The following DIS3L2 variants were observed in gnomAD, a reference collection of about 807,000 sequenced individuals.
DIS3L2 encodes DIS3-like exonuclease 2.
A neutral mutation model predicts 97.5 loss-of-function variants in DIS3L2; 34 were observed. The observed-to-expected ratio is 0.35, with a 90% confidence interval of 0.27 to 0.46. DIS3L2 has a LOEUF of 0.46. DIS3L2 is among the 20% of genes least tolerant of loss of function. The pLI, the probability that DIS3L2 is intolerant of heterozygous loss-of-function variation, is 1.00. For synonymous variants in DIS3L2, 435 were observed against 445.2 expected (o/e 0.98, Z 0.29); for missense variants, 1,038 against 1,146.0 (o/e 0.91, Z 1.36).
rs538800684 is a variant in DIS3L2 at position 232,155,528 on chromosome 2, C to T, written c.951-7931C>T. Among the ~76,000 whole-genome samples the T allele has an allele frequency of 5.3e-5, 8 of 152,250 alleles. No homozygotes were observed. In the South Asian group the frequency reaches 1.2e-3, roughly 24 times the overall value. ...CCAGTAACTCCACTAGAATATATTT[C>T]ATTGGTGATTTTCTGTAATTTTCTT... is the stretch of plus-strand genomic sequence containing the variant. On this transcript the variant is annotated intron_variant, in intron 8 of 20. Transcript: ENST00000325385.
intron 1 of DIS3L2, among the ~76,000 whole-genome samples, chr2:231,986,305 A>T (rs1440784265): frequency 6.6e-6 from 1 of 152,184 alleles, no homozygotes; most frequent in Non-Finnish European, 1.5e-5. Context: ...TCATATATGC[A>T]TATAAACTAT....
intron 6 of DIS3L2, among the ~76,000 whole-genome samples, chr2:232,093,883 T>C (rs981825433): frequency 2.0e-5 from 3 of 152,178 alleles, no homozygotes; most frequent in Admixed American, 6.5e-5. Flanking sequence ...ACCTTTATTA[T>C]TTCTTCTACT....
intron 8 of DIS3L2, among the ~76,000 whole-genome samples, chr2:232,147,066 C>A (rs1184027101): frequency 6.6e-6 from 1 of 152,048 alleles, no homozygotes; most frequent in Non-Finnish European, 1.5e-5. Flanking sequence ...TATCATTTAT[C>A]TGTTGCTTGA....
At chr2:232,270,662 A>G (rs1693963185) in intron 13 of DIS3L2, among the ~76,000 whole-genome samples, 2 of 152,238 alleles carry the variant, frequency 1.3e-5, no homozygotes, top group African/African-American at 4.8e-5. Context: ...ACAGTCTTAG[A>G]ACTGTGATGA....
intron 5 of DIS3L2, among the ~76,000 whole-genome samples, chr2:232,055,310 G>A (rs1695517922): frequency 6.6e-6 from 1 of 152,186 alleles, no homozygotes; most frequent in Non-Finnish European, 1.5e-5. Flanking sequence ...CAGACTAGTT[G>A]ATTGTATACA....
At chr2:232,018,160 T>TAAGGAGAGGACAGCG in intron 3 of DIS3L2, among the ~76,000 whole-genome samples, 2 of 152,310 alleles carry the variant, frequency 1.3e-5, no homozygotes, top group African/African-American at 4.8e-5. Flanking sequence ...TGTCTAGAGA[T>TAAGGAGAGGACAGCG]AAGGAGAGGA....
intron 9 of DIS3L2, among the ~76,000 whole-genome samples, chr2:232,182,583 A>G (rs534500879): frequency 6.6e-6 from 1 of 151,676 alleles, no homozygotes; most frequent in Admixed American, 6.6e-5. Context: ...TGCTTTGTGT[A>G]TTTTGTGGCT....
intron 9 of DIS3L2, among the ~76,000 whole-genome samples, chr2:232,199,979 G>T (rs1691847238): frequency 6.6e-6 from 1 of 152,150 alleles, no homozygotes; most frequent in African/African-American, 2.4e-5. Flanking sequence ...AAGAATTCAA[G>T]TAACTTTTAA....
intron 11 of DIS3L2, among the ~76,000 whole-genome samples, chr2:232,240,661 C>T (rs1231733998): frequency 1.3e-5 from 2 of 152,182 alleles, no homozygotes; most frequent in African/African-American, 4.8e-5. Flanking sequence ...AAGAACTTCT[C>T]TTTGCCCCCC....
intron 7 of DIS3L2, 152 bp downstream of exon 7, chr2:232,130,871 ACTT>A: frequency 3.5e-6 from 4 of 1,159,152 alleles, no homozygotes; most frequent in Non-Finnish European, 4.6e-6. Flanking sequence ...AAAAAAAAAA[ACTT>A]TAAACATATA....
intron 5 of DIS3L2, among the ~76,000 whole-genome samples, chr2:232,084,425 G>A (rs1470848091): frequency 6.6e-6 from 1 of 152,132 alleles, no homozygotes; most frequent in East Asian, 1.9e-4. Context: ...GCTTCACTGA[G>A]CATATCTTTT....
At chr2:232,203,520 G>T (rs1407030406) in intron 9 of DIS3L2, among the ~76,000 whole-genome samples, 1 of 152,212 alleles carries the variant, frequency 6.6e-6, no homozygotes, top group Non-Finnish European at 1.5e-5. Context: ...GAGTGGAAAA[G>T]TGCTCCACAA....
At chr2:232,055,803 C>T (rs1695531827) in intron 5 of DIS3L2, among the ~76,000 whole-genome samples, 1 of 152,050 alleles carries the variant, frequency 6.6e-6, no homozygotes. Flanking sequence ...GATAGAAAGT[C>T]CAGAAATAGA....
intron 10 of DIS3L2, among the ~76,000 whole-genome samples, chr2:232,230,320 G>C (rs147620584): frequency 6.6e-6 from 1 of 152,328 alleles, no homozygotes; most frequent in Non-Finnish European, 1.5e-5. Context: ...GCCAGGGCCC[G>C]CATCCTGGCT....
intron 13 of DIS3L2, among the ~76,000 whole-genome samples, chr2:232,294,449 C>A (rs999261114): frequency 6.6e-6 from 1 of 152,222 alleles, no homozygotes; most frequent in African/African-American, 2.4e-5. Context: ...TAAGCACCTA[C>A]ACACCAGTAG....
chr2:232,104,985 T>C (rs1697318503), intron 6 of DIS3L2, among the ~76,000 whole-genome samples: 1 of 152,060 alleles, frequency 6.6e-6, no homozygotes, highest in African/African-American at 2.4e-5. Flanking sequence ...ACCCAGCTAA[T>C]TTTTGTATTT....
At chr2:232,286,934 C>T (rs1004945390) in intron 13 of DIS3L2, among the ~76,000 whole-genome samples, 1 of 152,142 alleles carries the variant, frequency 6.6e-6, no homozygotes, top group Middle Eastern at 3.4e-3. Flanking sequence ...CGTGAGCCAC[C>T]GCGCCTGGCC....
intron 5 of DIS3L2, among the ~76,000 whole-genome samples, chr2:232,086,328 C>CATATATACAT (rs1696593617): frequency 7.0e-6 from 1 of 143,418 alleles, no homozygotes; most frequent in Non-Finnish European, 1.5e-5. Flanking sequence ...TATGCATATG[C>CATATATACAT]ATATGTATAT....
At chr2:231,998,308 C>CA (rs1203165097) in intron 1 of DIS3L2, among the ~76,000 whole-genome samples, 2 of 152,192 alleles carry the variant, frequency 1.3e-5, no homozygotes, top group African/African-American at 2.4e-5. Context: ...GGGCCAAACT[C>CA]ACTTTTATCA....
Sources: allele counts gnomAD v4.1 joint callset (sites outside exome capture counted in the v4.1 genomes callset), GRCh38; gene constraint gnomAD v4.1.1; transcripts MANE v1.5; gene names NCBI Gene and HGNC (gene_info 2026-07-23, HGNC 2026-07-21).